Variants in ADAMTSL3 observed in about 807,000 individuals in gnomAD.
ADAMTSL3 encodes ADAMTS-like protein 3.
Under a neutral mutation model 201.7 loss-of-function variants are expected in ADAMTSL3, and 128 were observed. That is an observed-to-expected ratio of 0.63 (90% CI 0.55 to 0.73). The LOEUF (loss-of-function observed/expected upper bound fraction) is 0.73. Among genes scored for constraint, ADAMTSL3 ranks in the 30% least tolerant of loss-of-function variants. The probability of loss-of-function intolerance (pLI) is 0.00; values close to 1 mark genes in which losing one functional copy is unlikely to be tolerated. For missense variants in ADAMTSL3, 1,990 were observed against 2,119.6 expected (o/e 0.94, Z 1.20); for synonymous variants, 738 against 748.4 (o/e 0.99, Z 0.23).
chr15:84,028,407 A>G (rs893792845), intron 27 of ADAMTSL3, among the ~76,000 whole-genome samples: 3 of 152,226 alleles, frequency 2.0e-5, no homozygotes, highest in Non-Finnish European at 4.4e-5. Context: ...TGCAAGTAGA[A>G]CTATCATGAC....
chr15:83,834,429 A>G (rs918243011), intron 6 of ADAMTSL3, among the ~76,000 whole-genome samples: 1 of 152,210 alleles, frequency 6.6e-6, no homozygotes, highest in African/African-American at 2.4e-5. Flanking sequence ...CAGAAATGTC[A>G]GATTTTTCCC....
chr15:83,885,088 T>A lies in ADAMTSL3; in HGVS notation c.961-13T>A. Reference sequence around the variant, plus strand: ...TTGTTTGCACGTGTGTTCTCACAGTTCTCTTTGTCCAGACCAGGTACACTG... The same window carrying A: ...TTGTTTGCACGTGTGTTCTCACAGTACTCTTTGTCCAGACCAGGTACACTG... On this transcript the variant is annotated splice_polypyrimidine_tract_variant and intron_variant, in intron 9 of 29. Transcript: ENST00000286744. 6.3e-7 allele frequency: 1 copy of A among 1,593,316 alleles called. No individual in the cohort carries two copies. The highest frequency in any genetic ancestry group is 1.1e-5 in the South Asian group (1 of 89,850).
At position 83,923,907 on chromosome 15, in the gene ADAMTSL3, A is replaced by T; in HGVS notation, c.1991A>T (p.His664Leu). Residue 664 changes from histidine (H) to leucine (L), a missense_variant, in exon 17 of 30, where the codon CAT becomes CTT. Transcript: ENST00000286744. The part of the protein sequence containing the change: ...TPCTATCVGG[H>L]QEAIAVCLHI... Reference sequence around the variant, plus strand: ...TTTTCCTCTTTCTAACCTGCAGGCCATCAAGAAGCCATAGCAGTGTGCTTA... The same window carrying T: ...TTTTCCTCTTTCTAACCTGCAGGCCTTCAAGAAGCCATAGCAGTGTGCTTA... 6.2e-7 allele frequency: 1 copy of T among 1,613,920 alleles called. No homozygotes were observed. The highest frequency in any genetic ancestry group is 1.3e-5 in the African/African-American group (1 of 75,038).
At chr15:84,017,030 T>C (rs2141900667) in intron 25 of ADAMTSL3, among the ~76,000 whole-genome samples, 1 of 152,340 alleles carries the variant, frequency 6.6e-6, no homozygotes, top group Non-Finnish European at 1.5e-5. Context: ...TTACTGGTCA[T>C]CTCAGCTCCT....
intron 19 of ADAMTSL3, 27 bp downstream of exon 19, chr15:83,943,109 C>A: frequency 1.3e-6 from 2 of 1,566,308 alleles, no homozygotes; most frequent in South Asian, 2.4e-5. Context: ...ACTTTATAGT[C>A]CCTTCTTTTC....
At chr15:83,830,328 C>T (rs1456489039) in intron 6 of ADAMTSL3, among the ~76,000 whole-genome samples, 1 of 152,164 alleles carries the variant, frequency 6.6e-6, no homozygotes, top group Non-Finnish European at 1.5e-5. Flanking sequence ...GTTGTACTCT[C>T]AAGTACAGAG....
intron 6 of ADAMTSL3, among the ~76,000 whole-genome samples, chr15:83,830,140 A>T (rs2064123495): frequency 6.6e-6 from 1 of 152,158 alleles, no homozygotes. Flanking sequence ...AAGACAAAAT[A>T]TTGGGTGAGA....
chr15:84,026,694 G>T (rs1456438054), intron 27 of ADAMTSL3, among the ~76,000 whole-genome samples: 2 of 152,096 alleles, frequency 1.3e-5, no homozygotes, highest in Non-Finnish European at 2.9e-5. Flanking sequence ...TTCAATGGGG[G>T]AAGAATAGTC....
intron 3 of ADAMTSL3, among the ~76,000 whole-genome samples, chr15:83,724,611 C>A (rs1221419403): frequency 2.0e-5 from 3 of 151,970 alleles, no homozygotes; most frequent in Non-Finnish European, 4.4e-5. Flanking sequence ...ACTGTAGTCA[C>A]CCTGTTGTGC....
At chr15:83,915,029 A>G (rs1210242647) in intron 16 of ADAMTSL3, among the ~76,000 whole-genome samples, 3 of 152,132 alleles carry the variant, frequency 2.0e-5, no homozygotes, top group Non-Finnish European at 4.4e-5. Context: ...CAGTCACAAT[A>G]ATACATGCCT....
intron 19 of ADAMTSL3, among the ~76,000 whole-genome samples, chr15:83,946,645 G>A (rs549981727): frequency 6.6e-6 from 1 of 152,186 alleles, no homozygotes; most frequent in Non-Finnish European, 1.5e-5. Flanking sequence ...ATCCAAAGTG[G>A]TGTTGAAATA....
Position 83,911,591 on chromosome 15 carries a change from A to G in ADAMTSL3, c.1701-1501A>G, listed in dbSNP as rs2065936409. 2.6e-5 allele frequency among the ~76,000 whole-genome samples: 4 copies of G among 152,202 alleles called. No individual in the cohort carries two copies. The South Asian group carries it at 8.3e-4, about 32-fold the overall frequency. On this transcript the variant is annotated intron_variant, in intron 15 of 29. Transcript: ENST00000286744. ...AGCAAGCCCTCACATGGAATCTGAG[A>G]ATTAGAGAGAAGGGTTCCCCACTAA... is the stretch of plus-strand genomic sequence containing the variant.
At chr15:83,660,886 G>A (rs1333689974) in intron 2 of ADAMTSL3, among the ~76,000 whole-genome samples, 4 of 149,852 alleles carry the variant, frequency 2.7e-5, no homozygotes, top group Non-Finnish European at 4.4e-5. Flanking sequence ...TAATGCCTAG[G>A]TTTTCTTCTA....
At chr15:83,926,429 A>G (rs569444842) in intron 17 of ADAMTSL3, among the ~76,000 whole-genome samples, 3 of 152,198 alleles carry the variant, frequency 2.0e-5, no homozygotes, top group Non-Finnish European at 4.4e-5. Flanking sequence ...GATTACTCAA[A>G]CACAGAAATG....
intron 4 of ADAMTSL3, among the ~76,000 whole-genome samples, chr15:83,802,053 A>G (rs371470331): frequency 2.0e-5 from 3 of 152,274 alleles, no homozygotes; most frequent in East Asian, 3.9e-4. Context: ...TCAAGGGTCA[A>G]TGAAGTGTGT....
intron 3 of ADAMTSL3, among the ~76,000 whole-genome samples, chr15:83,728,697 T>TAC (rs1745921420): frequency 6.6e-6 from 1 of 152,020 alleles, no homozygotes; most frequent in South Asian, 2.1e-4. Context: ...TACATCTTAT[T>TAC]ATACTGTCTA....
intron 10 of ADAMTSL3, among the ~76,000 whole-genome samples, chr15:83,889,904 AC>A (rs1248211895): frequency 1.3e-5 from 2 of 152,152 alleles, no homozygotes; most frequent in African/African-American, 4.8e-5. Context: ...CAGCCACAGG[AC>A]TTCTGACTTA....
At chr15:83,975,168 AT>A (rs918466114) in intron 20 of ADAMTSL3, among the ~76,000 whole-genome samples, 10 of 151,534 alleles carry the variant, frequency 6.6e-5, no homozygotes, top group East Asian at 3.9e-4. Context: ...TGCCCGGCTA[AT>A]TTTTTTGTAT....
At chr15:83,801,664 ATATATATATATATAT>A (rs2141854791) in intron 4 of ADAMTSL3, among the ~76,000 whole-genome samples, 1 of 51,682 alleles carries the variant, frequency 1.9e-5, no homozygotes, top group African/African-American at 6.2e-5. Flanking sequence ...ATATATATAT[ATATATATATATATAT>A]ATATATATAT....
Sources: allele counts gnomAD v4.1 joint callset (sites outside exome capture counted in the v4.1 genomes callset), GRCh38; gene constraint gnomAD v4.1.1; transcripts MANE v1.5; gene names NCBI Gene and HGNC (gene_info 2026-07-23, HGNC 2026-07-21).